The following NRXN3 variants were observed in gnomAD, a reference collection of about 807,000 sequenced individuals.
NRXN3 encodes the protein neurexin 3.
In NRXN3, 32 loss-of-function variants were observed where a neutral mutation model predicts 137.6. That is an observed-to-expected ratio of 0.23 (90% CI 0.18 to 0.31). NRXN3 has a LOEUF of 0.31. Ranked by LOEUF, NRXN3 falls within the 10% of genes least tolerant of loss-of-function variation. The pLI is 1.00. For synonymous variants in NRXN3, 798 were observed against 784.5 expected (o/e 1.02, Z -0.29); for missense variants, 1,574 against 2,062.5 (o/e 0.76, Z 4.59).
intron 8 of NRXN3, chr14:78,745,061 TAGAATA>T (rs1244442355): frequency 1.3e-5 from 2 of 152,216 alleles, no homozygotes; most frequent in Non-Finnish European, 2.9e-5. Context: ...TTTACTAATG[TAGAATA>T]AGAAATAAAA....
At chr14:78,860,866 G>A (rs1359136243) in intron 10 of NRXN3, among the ~76,000 whole-genome samples, 1 of 152,028 alleles carries the variant, frequency 6.6e-6, no homozygotes. Context: ...GGAGGAGGTG[G>A]AAGGAGAGGC....
intron 4 of NRXN3, among the ~76,000 whole-genome samples, chr14:78,407,855 C>T (rs2092585023): frequency 6.6e-6 from 1 of 152,152 alleles, no homozygotes; most frequent in Non-Finnish European, 1.5e-5. Flanking sequence ...TCCAGTGCTG[C>T]TCCTCCCTCA....
At chr14:79,487,737 C>T (rs1239064141) in intron 16 of NRXN3, among the ~76,000 whole-genome samples, 1 of 152,138 alleles carries the variant, frequency 6.6e-6, no homozygotes, top group Non-Finnish European at 1.5e-5. Flanking sequence ...TTCTGCACCT[C>T]ACTAGCTTTT....
At chr14:79,339,511 CGT>C (rs2092476359) in intron 15 of NRXN3, among the ~76,000 whole-genome samples, 1 of 152,166 alleles carries the variant, frequency 6.6e-6, no homozygotes, top group Non-Finnish European at 1.5e-5. Flanking sequence ...TGCATATTTT[CGT>C]GTCTTACTAT....
rs201383152 is a variant in NRXN3 at position 79,467,235 on chromosome 14, A to C, written c.3277A>C (p.Ile1093Leu). The C allele has an allele frequency of 2.5e-6, 4 of 1,601,598 alleles. No homozygotes were observed. The highest frequency in any genetic ancestry group is 2.2e-5 in the East Asian group (1 of 44,450). The change falls in exon 16 of 21, where the codon ATC becomes CTC. Residue 1093 changes from isoleucine (I) to leucine (L), a missense_variant. Physicochemically the swap from Ile to Leu is conservative, Grantham distance 5 (BLOSUM62 2). This residue lies in a region of NRXN3 where 133 missense variants were observed against 241.8 expected (regional missense o/e 0.55). Transcript: ENST00000335750. Reference protein sequence around the residue: ...NQCNDPGATYIFGKSGGLILY... With the variant: ...NQCNDPGATYLFGKSGGLILY... ...TGCTTTTGCAGCTGGCGCTACGTAC[A>C]TCTTTGGGAAAAGTGGTGGGCTTAT...
At chr14:78,201,235 G>T (rs2061646530) in intron 1 of NRXN3, among the ~76,000 whole-genome samples, 1 of 152,178 alleles carries the variant, frequency 6.6e-6, no homozygotes, top group Non-Finnish European at 1.5e-5. Context: ...TAATAGGAAT[G>T]ACTTCTTCCT....
chr14:79,193,625 G>A (rs1189591036), intron 15 of NRXN3, among the ~76,000 whole-genome samples: 1 of 151,982 alleles, frequency 6.6e-6, no homozygotes, highest in African/African-American at 2.4e-5. Context: ...TGAAATTTTG[G>A]TTCCAAATGG....
At chr14:78,637,522 T>C (rs2097577631) in intron 4 of NRXN3, among the ~76,000 whole-genome samples, 1 of 152,234 alleles carries the variant, frequency 6.6e-6, no homozygotes, top group Non-Finnish European at 1.5e-5. Context: ...AACTTTATTG[T>C]ATTCCTGCCT....
At chr14:78,991,912 T>G (rs1002283552) in intron 15 of NRXN3, among the ~76,000 whole-genome samples, 1 of 152,206 alleles carries the variant, frequency 6.6e-6, no homozygotes, top group Non-Finnish European at 1.5e-5. Context: ...ACTTTATTTC[T>G]TTATTCTTTG....
chr14:79,542,502 A>T (rs1030782580), intron 16 of NRXN3, among the ~76,000 whole-genome samples: 1 of 152,128 alleles, frequency 6.6e-6, no homozygotes, highest in African/African-American at 2.4e-5. Flanking sequence ...TAAAGACAAG[A>T]GGAGCTAACT....
chr14:79,275,004 A>G (rs920764787), intron 15 of NRXN3, among the ~76,000 whole-genome samples: 1 of 152,232 alleles, frequency 6.6e-6, no homozygotes, highest in African/African-American at 2.4e-5. Context: ...CTTCTCTTCT[A>G]TATCTCCAAA....
chr14:79,372,223 T>C (rs2094133706), intron 15 of NRXN3, among the ~76,000 whole-genome samples: 2 of 152,108 alleles, frequency 1.3e-5, no homozygotes, highest in Admixed American at 1.3e-4. Context: ...CATATTAAAC[T>C]TGGAGTTTAT....
chr14:79,489,238 T>C (rs911256935), intron 16 of NRXN3, among the ~76,000 whole-genome samples: 1 of 152,154 alleles, frequency 6.6e-6, no homozygotes, highest in South Asian at 2.1e-4. Flanking sequence ...TACACCTTTT[T>C]CTCTCCAAGG....
intron 4 of NRXN3, among the ~76,000 whole-genome samples, chr14:78,323,673 A>G (rs2079683485): frequency 6.6e-6 from 1 of 152,012 alleles, no homozygotes; most frequent in South Asian, 2.1e-4. Context: ...CTGTGGTCAG[A>G]TCCTGTAGGC....
intron 4 of NRXN3, among the ~76,000 whole-genome samples, chr14:78,427,426 A>G (rs778901273): frequency 2.6e-5 from 4 of 152,162 alleles, no homozygotes; most frequent in Admixed American, 6.5e-5. Context: ...ACATCAGGGA[A>G]CAGAAAGCAC....
At chr14:79,494,004 TGTATACATG>T (rs1239916152) in intron 16 of NRXN3, among the ~76,000 whole-genome samples, 1 of 152,186 alleles carries the variant, frequency 6.6e-6, no homozygotes, top group African/African-American at 2.4e-5. Context: ...TGCCCATCCT[TGTATACATG>T]GTAGGTGTTC....
chr14:78,561,593 C>T (rs982948525), intron 4 of NRXN3, among the ~76,000 whole-genome samples: 6 of 152,118 alleles, frequency 3.9e-5, no homozygotes, highest in African/African-American at 9.7e-5. Context: ...GAATCTTGCC[C>T]ACACATCTCC....
At chr14:78,747,288 G>T (rs2098613722) in intron 8 of NRXN3, among the ~76,000 whole-genome samples, 1 of 152,046 alleles carries the variant, frequency 6.6e-6, no homozygotes, top group Admixed American at 6.6e-5. Flanking sequence ...CTTGATGTGG[G>T]GATCATAAAT....
intron 15 of NRXN3, among the ~76,000 whole-genome samples, chr14:79,328,187 A>G (rs1326628126): frequency 6.6e-6 from 1 of 152,228 alleles, no homozygotes; most frequent in African/African-American, 2.4e-5. Context: ...TTAAAAGTAT[A>G]TTATTTAGGA....
Sources: gnomAD v4.1 joint callset for allele counts (sites outside exome capture counted in the v4.1 genomes callset) on GRCh38, gnomAD v4.1.1 for gene constraint, gnomAD v4.1.1 regional missense constraint, MANE v1.5 for transcripts, NCBI Gene and HGNC (gene_info 2026-07-23, HGNC 2026-07-21) for gene names.